The following CSMD1 variants were observed in gnomAD, a reference collection of about 807,000 sequenced individuals.
The protein encoded by CSMD1 is CUB and Sushi multiple domains 1, also known as CUB and sushi domain-containing protein 1.
Under a neutral mutation model 417.5 loss-of-function variants are expected in CSMD1, and 213 were observed. The observed-to-expected ratio is 0.51, with a 90% confidence interval of 0.46 to 0.57. The LOEUF (loss-of-function observed/expected upper bound fraction) is 0.57. Ranked by LOEUF, CSMD1 falls within the 20% of genes least tolerant of loss-of-function variation. The pLI, the probability that CSMD1 is intolerant of heterozygous loss-of-function variation, is 0.00. For synonymous variants in CSMD1, 2,862 were observed against 1,736.8 expected (o/e 1.65, Z -16.11); for missense variants, 6,923 against 4,529.7 (o/e 1.53, Z -15.17).
At chr8:3,558,250 A>G (rs1163400523) in intron 10 of CSMD1, among the ~76,000 whole-genome samples, 77 of 141,766 alleles carry the variant, frequency 5.4e-4, no homozygotes, top group Non-Finnish European at 9.2e-4. Context: ...GTGCCTCAAT[A>G]GTACCCTGTG....
chr8:3,357,834 C>G (rs554683302), intron 21 of CSMD1, among the ~76,000 whole-genome samples: 1 of 152,186 alleles, frequency 6.6e-6, no homozygotes, highest in South Asian at 2.1e-4. Context: ...TAACCACAAA[C>G]AGTAAGAACC....
At chr8:4,341,842 G>A (rs952559422) in intron 3 of CSMD1, among the ~76,000 whole-genome samples, 2 of 152,018 alleles carry the variant, frequency 1.3e-5, no homozygotes, top group Non-Finnish European at 2.9e-5. Context: ...ATAACAGAAG[G>A]ATGCTTCACC....
intron 2 of CSMD1, among the ~76,000 whole-genome samples, chr8:4,549,896 CAAAAA>C (rs777040766): frequency 1.1e-4 from 10 of 88,650 alleles, no homozygotes; most frequent in Admixed American, 2.8e-4. Context: ...GACTTTGTCT[CAAAAA>C]AAAAAAAAAA....
intron 2 of CSMD1, among the ~76,000 whole-genome samples, chr8:4,546,271 G>C (rs543265509): frequency 5.9e-5 from 9 of 152,156 alleles, no homozygotes. Context: ...TCCTTTCCAT[G>C]TTCTTTTCTG....
intron 3 of CSMD1, among the ~76,000 whole-genome samples, chr8:4,386,621 G>T (rs1039854069): frequency 5.9e-5 from 9 of 152,220 alleles, no homozygotes; most frequent in African/African-American, 1.9e-4. Flanking sequence ...TAATCAGAGA[G>T]ACCCTGGCAA....
chr8:3,847,691 G>T (rs1335246506), intron 5 of CSMD1, among the ~76,000 whole-genome samples: 2 of 152,028 alleles, frequency 1.3e-5, no homozygotes, highest in Non-Finnish European at 2.9e-5. Flanking sequence ...CTCAGCCATG[G>T]AAAAACTAAT....
intron 10 of CSMD1, among the ~76,000 whole-genome samples, chr8:3,546,520 G>A (rs1021057963): frequency 3.3e-5 from 5 of 150,050 alleles, no homozygotes; most frequent in African/African-American, 7.5e-5. Flanking sequence ...TGGTGACAGA[G>A]TGAGACTCCA....
intron 5 of CSMD1, among the ~76,000 whole-genome samples, chr8:3,778,898 A>G (rs1256972726): frequency 6.6e-6 from 1 of 152,222 alleles, no homozygotes. Context: ...AAAGTAGGAC[A>G]GGAGTTCCCG....
chr8:3,684,093 G>T (rs1234044648), intron 7 of CSMD1, among the ~76,000 whole-genome samples: 1 of 145,390 alleles, frequency 6.9e-6, no homozygotes, highest in Non-Finnish European at 1.5e-5. Flanking sequence ...AACTTTAAAT[G>T]TATAGATATT....
intron 4 of CSMD1, among the ~76,000 whole-genome samples, chr8:4,010,794 A>G (rs73182049): frequency 0.087 from 13,177 of 152,256 alleles, 628 homozygotes; most frequent in Middle Eastern, 0.15. Context: ...TAACTCTGCC[A>G]TCATCACAGT....
At chr8:4,184,325 G>A (rs1798544235) in intron 3 of CSMD1, among the ~76,000 whole-genome samples, 2 of 152,114 alleles carry the variant, frequency 1.3e-5, no homozygotes, top group Admixed American at 1.3e-4. Flanking sequence ...TTAAACATGA[G>A]TTTTAGACAA....
chr8:3,782,851 C>A (rs1271750664), intron 5 of CSMD1, among the ~76,000 whole-genome samples: 1 of 152,058 alleles, frequency 6.6e-6, no homozygotes, highest in Non-Finnish European at 1.5e-5. Flanking sequence ...GACTTTCTTG[C>A]CCTAGCTCGC....
rs74731121 is a variant in CSMD1 at position 3,914,201 on chromosome 8, G to A, written c.818+83702C>T. On this transcript the variant is annotated intron_variant, in intron 5 of 69. Coordinates refer to ENST00000635120, the MANE Select transcript of CSMD1 (RefSeq NM_033225.6). ...AAGTACTTTTAACCCCCAAAAAGAG[G>A]TAAGTAACTTGAGCACCTGCAAAAG... 7.6e-4 allele frequency among the ~76,000 whole-genome samples: 115 copies of A among 152,202 alleles called. 1 individual carries two copies. The East Asian group carries it at 0.02, about 26-fold the overall frequency.
At chr8:3,733,168 TAC>T (rs75223191) in intron 6 of CSMD1, among the ~76,000 whole-genome samples, 52,399 of 139,950 alleles carry the variant, frequency 0.37, 9,590 homozygotes, top group Non-Finnish European at 0.41. Context: ...AGGCCATAAA[TAC>T]ACACACACAC....
chr8:3,849,903 C>T (rs1803777153), intron 5 of CSMD1, among the ~76,000 whole-genome samples: 1 of 152,182 alleles, frequency 6.6e-6, no homozygotes, highest in African/African-American at 2.4e-5. Context: ...GCAACCTCCA[C>T]CTCCCAGTTC....
chr8:3,128,591 A>G, intron 41 of CSMD1: 1 of 311,026 alleles, frequency 3.2e-6, no homozygotes, highest in Non-Finnish European at 6.3e-6. Context: ...TACATATCAG[A>G]GTTAAGTGTC....
intron 12 of CSMD1, among the ~76,000 whole-genome samples, chr8:3,419,738 GA>G (rs1368296430): frequency 6.6e-6 from 1 of 152,034 alleles, no homozygotes; most frequent in East Asian, 1.9e-4. Context: ...AACATGTCAA[GA>G]AAAAAATCTG....
chr8:3,304,803 T>G (rs1208912963), intron 25 of CSMD1, among the ~76,000 whole-genome samples: 1 of 152,094 alleles, frequency 6.6e-6, no homozygotes, highest in East Asian at 1.9e-4. Context: ...ATGACTTGGT[T>G]TGCATTTAGA....
intron 48 of CSMD1, among the ~76,000 whole-genome samples, chr8:3,088,017 G>T (rs1814665864): frequency 6.6e-6 from 1 of 152,160 alleles, no homozygotes; most frequent in African/African-American, 2.4e-5. Context: ...CAATGATGTA[G>T]ATATTAACCT....
Sources: allele counts gnomAD v4.1 joint callset (sites outside exome capture counted in the v4.1 genomes callset), GRCh38; gene constraint gnomAD v4.1.1; transcripts MANE v1.5; gene names NCBI Gene and HGNC (gene_info 2026-07-23, HGNC 2026-07-21).